CSGALNACT2: variants seen among roughly 807,000 people sequenced by gnomAD.
The protein encoded by CSGALNACT2 is chondroitin sulfate N-acetylgalactosaminyltransferase 2.
In CSGALNACT2, 35 loss-of-function variants were observed where a neutral mutation model predicts 55.3. The observed-to-expected ratio is 0.63, with a 90% CI of 0.48 to 0.84. The LOEUF (loss-of-function observed/expected upper bound fraction) is 0.84. Among genes scored for constraint, CSGALNACT2 ranks in the 40% least tolerant of loss-of-function variants. The pLI is 0.00. For missense variants in CSGALNACT2, 544 were observed against 657.5 expected (o/e 0.83, Z 1.89); for synonymous variants, 196 against 224.9 (o/e 0.87, Z 1.15).
At position 43,158,798 on chromosome 10, in the gene CSGALNACT2, A is replaced by T. The variant is rs1164196360; in HGVS notation, c.745A>T (p.Thr249Ser). Residue 249 changes from threonine to serine, a missense_variant, in exon 3 of 8, where the codon ACC becomes TCC. Around this residue, in one of 2 missense-constraint regions of CSGALNACT2, gnomAD observed 374 missense variants for 401.3 expected, o/e 0.93. Transcript: ENST00000374466. ...KADLTEYRHVTLFRPFGPLMK... is the reference protein window; with the variant it reads ...KADLTEYRHVSLFRPFGPLMK... ...AGACCTTACGGAATATAGACATGTG[A>T]CCCTCTTCCGCCCTTTTGGACCTCT... 3.1e-6 allele frequency: 5 copies of T among 1,611,322 alleles called. No individual in the cohort carries two copies. The African/African-American group carries it at 4.0e-5, about 13-fold the overall frequency.
At chr10:43,180,886 G>A (rs1403115554) in intron 7 of CSGALNACT2, among the ~76,000 whole-genome samples, 2 of 152,142 alleles carry the variant, frequency 1.3e-5, no homozygotes, top group African/African-American at 2.4e-5. Flanking sequence ...GCTCTAGTTG[G>A]GTAGATTTCT....
intron 5 of CSGALNACT2, among the ~76,000 whole-genome samples, chr10:43,164,511 G>A (rs905256192): frequency 1.3e-5 from 2 of 152,178 alleles, no homozygotes; most frequent in Non-Finnish European, 2.9e-5. Context: ...TGCATTTTGG[G>A]ATGATTTACT....
At chr10:43,168,988 T>C (rs11238461) in intron 6 of CSGALNACT2, among the ~76,000 whole-genome samples, 3,171 of 152,198 alleles carry the variant, frequency 0.021, 110 homozygotes, top group African/African-American at 0.072. Context: ...TCCTCTGAGC[T>C]CATAGCAGAC....
chr10:43,176,114 T>C, intron 7 of CSGALNACT2, 82 bp downstream of exon 7: 4 of 1,127,216 alleles, frequency 3.5e-6, no homozygotes, highest in South Asian at 2.9e-5. Flanking sequence ...CAGATTTGAG[T>C]GTTTTCCTAC....
At position 43,185,056 on chromosome 10, in the gene CSGALNACT2, T is replaced by A. The variant is rs1366539022; in HGVS notation, c.*1514T>A. ...CAAAATAATTCAGGCCACTGTCTCC[T>A]TTTATATATTATTATAATTATTTAT... On this transcript the variant is annotated 3_prime_UTR_variant, in exon 8 of 8. Coordinates refer to ENST00000374466, the MANE Select transcript of CSGALNACT2 (RefSeq NM_018590.5). 1 of 152,048 alleles carries A rather than the reference T, an allele frequency of 6.6e-6. No individual in the cohort carries two copies. The highest frequency in any genetic ancestry group is 1.5e-5 in the Non-Finnish European group (1 of 67,992). 9.4% of individuals were successfully genotyped at this position (152,048 alleles called of 1,614,324 possible). A position where few individuals can be genotyped will look rare whatever the true frequency, so the allele number is the denominator to read the frequency against.
rs193057575 is a variant in CSGALNACT2 at position 43,153,430 on chromosome 10, G to T, written c.-253-1467G>T. ...ATAATAAATGACTAAGGAGAGTTAA[G>T]ACCATTATTTGTGGTATATTGGCCA... On this transcript the variant is annotated intron_variant, in intron 1 of 7. Transcript: ENST00000374466. 2.5e-4 allele frequency among the ~76,000 whole-genome samples: 38 copies of T among 150,952 alleles called. No individual in the cohort carries two copies. In the East Asian group the frequency reaches 6.8e-3, roughly 27 times the overall value.
At chr10:43,164,127 G>C (rs1173399138) in intron 5 of CSGALNACT2, 83 bp downstream of exon 5, 12 of 1,187,408 alleles carry the variant, frequency 1.0e-5, no homozygotes, top group Non-Finnish European at 1.3e-5. Context: ...AAGTGATTTT[G>C]AGGGAGAAGT....
chr10:43,169,554 G>A (rs140999586), intron 6 of CSGALNACT2, among the ~76,000 whole-genome samples: 19 of 152,316 alleles, frequency 1.2e-4, no homozygotes, highest in African/African-American at 3.6e-4. Context: ...TTGTAAACTG[G>A]AAGACAACCC....
At position 43,163,974 on chromosome 10, in the gene CSGALNACT2, GT is replaced by G. The variant is rs773407260; in HGVS notation, c.1094del (p.Phe365SerfsTer18). 1.9e-6 allele frequency: 3 copies of G among 1,614,068 alleles called. No homozygotes were observed. In the Admixed American group the frequency reaches 5.0e-5, roughly 27 times the overall value. ...CTTGGGACAAGGGAGAGGTCTTGAT[GT>G]TTTTCTGTGATGTTGATATCTATTT... is the stretch of plus-strand genomic sequence containing the variant. ...RAWDKGEVLMFFCDVDIYFSA... is the reference protein window; with the variant it reads ...RAWDKGEVLMXFCDVDIYFSA... On this transcript the variant is annotated frameshift_variant, in exon 5 of 8. Coordinates refer to ENST00000374466, the MANE Select transcript of CSGALNACT2 (RefSeq NM_018590.5). LOFTEE classifies it high-confidence loss of function.
chr10:43,172,775 A>T (rs1839407579), intron 6 of CSGALNACT2, among the ~76,000 whole-genome samples: 3 of 152,244 alleles, frequency 2.0e-5, no homozygotes, highest in African/African-American at 7.2e-5. Flanking sequence ...CACGTGGATC[A>T]TTAAAACAGA....
chr10:43,144,929 A>C (rs1418003433), intron 1 of CSGALNACT2, among the ~76,000 whole-genome samples: 1 of 152,154 alleles, frequency 6.6e-6, no homozygotes, highest in Non-Finnish European at 1.5e-5. Context: ...CCTGGCTCCT[A>C]TTACTCAGAG....
chr10:43,141,312 G>C (rs1429653707), intron 1 of CSGALNACT2, among the ~76,000 whole-genome samples: 2 of 152,012 alleles, frequency 1.3e-5, no homozygotes, highest in Non-Finnish European at 2.9e-5. Flanking sequence ...CCACCTCCCA[G>C]GTTCACGCCA....
intron 1 of CSGALNACT2, among the ~76,000 whole-genome samples, chr10:43,143,376 A>G (rs189195716): frequency 7.2e-5 from 11 of 152,270 alleles, no homozygotes; most frequent in Middle Eastern, 3.4e-3. Flanking sequence ...TAAACATCCT[A>G]TGTATGTGAC....
At chr10:43,151,847 C>T (rs1384332655) in intron 1 of CSGALNACT2, among the ~76,000 whole-genome samples, 2 of 152,132 alleles carry the variant, frequency 1.3e-5, no homozygotes, top group African/African-American at 4.8e-5. Context: ...GGATCACTGT[C>T]CTTTGTTACC....
chr10:43,158,570 G>C, intron 2 of CSGALNACT2, 145 bp from the exon 3 acceptor site: 2 of 590,412 alleles, frequency 3.4e-6, no homozygotes, highest in Non-Finnish European at 6.0e-6. Context: ...TTACTGTGCA[G>C]TGGGGATAAG....
intron 6 of CSGALNACT2, among the ~76,000 whole-genome samples, chr10:43,174,149 C>A (rs1420793103): frequency 6.6e-6 from 1 of 151,950 alleles, no homozygotes; most frequent in Admixed American, 6.6e-5. Context: ...ATCCACAAGT[C>A]CTCCCCTCAG....
At chr10:43,144,477 T>A (rs1838699456) in intron 1 of CSGALNACT2, among the ~76,000 whole-genome samples, 1 of 152,218 alleles carries the variant, frequency 6.6e-6, no homozygotes, top group African/African-American at 2.4e-5. Context: ...AGTACTCTAT[T>A]TTTGGGGAGA....
chr10:43,157,985 C>T (rs1209239883), intron 2 of CSGALNACT2, among the ~76,000 whole-genome samples: 4 of 148,052 alleles, frequency 2.7e-5, no homozygotes, highest in Admixed American at 1.4e-4. Context: ...GCCAAGATTG[C>T]ACCACTGCAC....
chr10:43,145,606 G>A (rs1316882306), intron 1 of CSGALNACT2, among the ~76,000 whole-genome samples: 2 of 151,792 alleles, frequency 1.3e-5, no homozygotes, highest in African/African-American at 2.4e-5. Flanking sequence ...GCAAGGTCTC[G>A]CTAGCTATAT....
Sources: gnomAD v4.1 joint callset for allele counts (sites outside exome capture counted in the v4.1 genomes callset) on GRCh38, gnomAD v4.1.1 for gene constraint, gnomAD v4.1.1 regional missense constraint, MANE v1.5 for transcripts, NCBI Gene and HGNC (gene_info 2026-07-23, HGNC 2026-07-21) for gene names.